Variants in SPEN observed in about 807,000 individuals in gnomAD.
The protein encoded by SPEN is msx2-interacting protein.
Under a neutral mutation model 269.9 loss-of-function variants are expected in SPEN, and 18 were observed. The ratio of observed to expected loss-of-function variants is 0.07; its 90% CI spans 0.05 to 0.10. SPEN has a LOEUF of 0.10. Ranked by LOEUF, SPEN falls within the 10% of genes least tolerant of loss-of-function variation. The pLI, the probability that SPEN is intolerant of heterozygous loss-of-function variation, is 1.00. For missense variants in SPEN, 3,822 were observed against 4,631.2 expected, an observed-to-expected ratio of 0.83 and a Z score of 5.07; for synonymous variants, 1,726 against 1,765.7, an observed-to-expected ratio of 0.98 and a Z score of 0.56.
chr1:15,899,826 T>G (rs1343561213), intron 3 of SPEN, among the ~76,000 whole-genome samples: 3 of 151,990 alleles, frequency 2.0e-5, no homozygotes, highest in Non-Finnish European at 4.4e-5. Context: ...TTTCTATGGT[T>G]GTTGTTTTAT....
Position 15,930,352 on chromosome 1 carries a change from G to A in SPEN, c.4112G>A (p.Arg1371Gln), listed in dbSNP as rs372487587. Residue 1371 changes from arginine to glutamine, a missense_variant, in exon 11 of 15, where the codon CGA (arginine) becomes CAA (glutamine). By Grantham distance (43) the Arg-to-Gln change is conservative. Around this residue, in one of 16 missense-constraint regions of SPEN, gnomAD observed 267 missense variants for 315.5 expected, o/e 0.85. Coordinates refer to ENST00000375759, the MANE Select transcript of SPEN (RefSeq NM_015001.3). This position sits in a 1 kb window ranked among gnomAD's most constrained non-coding sequence, Gnocchi z 5.3. Reference protein sequence around the residue: ...KRDSLRKRSVRDLEPGEVPSD... With the variant: ...KRDSLRKRSVQDLEPGEVPSD... ...GATAGCCTTCGAAAAAGGTCTGTAC[G>A]AGATCTGGAACCTGGTGAGGTGCCT... is the stretch of plus-strand genomic sequence containing the variant. 9.3e-6 allele frequency: 15 copies of A among 1,613,540 alleles called. No individual in the cohort carries two copies. In the African/African-American group the frequency reaches 1.7e-4, roughly 19 times the overall value.
intron 3 of SPEN, among the ~76,000 whole-genome samples, chr1:15,877,681 ATTATCCT>A (rs2070644899): frequency 6.7e-6 from 1 of 149,646 alleles, no homozygotes; most frequent in African/African-American, 2.5e-5. Flanking sequence ...TGTGGTATAG[ATTATCCT>A]TTAAGTAATC....
Position 15,928,072 on chromosome 1 carries a change from C to CT in SPEN, c.1851-16dup, listed in dbSNP as rs770510089. On this transcript the variant is annotated intron_variant, in intron 10 of 14. Coordinates refer to ENST00000375759, the MANE Select transcript of SPEN (RefSeq NM_015001.3). The surrounding 1 kb of genome is among the most constrained non-coding windows in gnomAD (Gnocchi z 5.7). The stretch of plus-strand genomic sequence containing the variant: ...GATGAGGAAACAAAAGAACTAATAT[C>CT]TTTGTTATTTTTTGGCAGAGAGGAA... 6.4e-7 allele frequency: 1 copy of CT among 1,567,680 alleles called. No individual in the cohort carries two copies. The highest frequency in any genetic ancestry group is 8.7e-7 in the Non-Finnish European group (1 of 1,153,104).
In SPEN at chr1:15,848,666, T is replaced by C. The variant is rs2070302156; in HGVS notation, c.83+516T>C. 1.3e-5 allele frequency among the ~76,000 whole-genome samples: 2 copies of C among 152,096 alleles called. No individual in the cohort carries two copies. Among genetic ancestry groups the C allele is most frequent in the Non-Finnish European group, 2.9e-5 (2 of 67,984 alleles). On this transcript the variant is annotated intron_variant, in intron 1 of 14. Transcript: ENST00000375759. This position sits in a 1 kb window ranked among gnomAD's most constrained non-coding sequence, Gnocchi z 5.1. ...GTGCGAAAACAGAAGTCGCAGTAGG[T>C]ACTGTGGTCGCGTCGCGGACCCGGA... is the stretch of plus-strand genomic sequence containing the variant.
intron 1 of SPEN, among the ~76,000 whole-genome samples, chr1:15,859,000 T>G (rs982512085): frequency 1.3e-5 from 2 of 152,336 alleles, no homozygotes; most frequent in South Asian, 4.1e-4. Flanking sequence ...CTATTATATG[T>G]GACATTGGTG....
chr1:15,873,495 G>A (rs1343692084), intron 2 of SPEN: 2 of 1,011,010 alleles, frequency 2.0e-6, no homozygotes, highest in African/African-American at 3.5e-5. Flanking sequence ...TGGCTTTTGT[G>A]TTCATACTAT....
chr1:15,909,608 T>TA, intron 4 of SPEN, 127 bp downstream of exon 4: 1 of 997,724 alleles, frequency 1.0e-6, no homozygotes, highest in African/African-American at 1.6e-5. Flanking sequence ...ATATTAACGT[T>TA]TTAAATGAGG....
At chr1:15,880,453 C>CTT (rs371820417) in intron 3 of SPEN, among the ~76,000 whole-genome samples, 6,535 of 110,892 alleles carry the variant, frequency 0.059, 367 homozygotes, top group Non-Finnish European at 0.073. Context: ...GTAATTATAG[C>CTT]TTTTTTTTTT....
At chr1:15,875,045 C>G (rs1036886406) in intron 2 of SPEN, among the ~76,000 whole-genome samples, 2 of 152,026 alleles carry the variant, frequency 1.3e-5, no homozygotes, top group African/African-American at 4.8e-5. Context: ...ATTCCTTAAT[C>G]CCTTTTGATA....
rs551582574 is a variant in SPEN, at chr1:15,910,842, G to A, written c.1043-259G>A. Among the ~76,000 whole-genome samples the A allele has an allele frequency of 9.2e-5, 14 of 151,914 alleles. No individual in the cohort carries two copies. In the South Asian group the frequency reaches 2.7e-3, roughly 29 times the overall value. ...GAAACCGTGTTTTTAGAGCTTTTTT[G>A]TTTGAAAAAGTAATGTTTTAATGAC... On this transcript the variant is annotated intron_variant, in intron 4 of 14. Coordinates refer to ENST00000375759, the MANE Select transcript of SPEN (RefSeq NM_015001.3).
At chr1:15,851,551 A>C (rs2070335150) in intron 1 of SPEN, among the ~76,000 whole-genome samples, 1 of 152,212 alleles carries the variant, frequency 6.6e-6, no homozygotes, top group African/African-American at 2.4e-5. Flanking sequence ...CAAATGAATA[A>C]AACCCTTAAA....
At chr1:15,874,285 TAAG>T in intron 2 of SPEN, 1 of 1,366,502 alleles carries the variant, frequency 7.3e-7, no homozygotes, top group Non-Finnish European at 9.8e-7. Flanking sequence ...CCTTGCCCAT[TAAG>T]AAGGTGGATT....
rs758523303 is a variant in SPEN at position 15,940,107 on chromosome 1, T to C, written c.*680T>C. 2.2e-4 allele frequency: 46 copies of C among 208,666 alleles called. No individual in the cohort carries two copies. The highest frequency in any genetic ancestry group is 1.5e-3 in the Middle Eastern group (1 of 686). 12.9% of individuals were successfully genotyped at this position (208,666 alleles called of 1,614,324 possible). ...GATGTGTGTATATATAAATATATAA[T>C]ATATATAAATATATATAATACTGAC... On this transcript the variant is annotated 3_prime_UTR_variant, in exon 15 of 15. Coordinates refer to ENST00000375759, the MANE Select transcript of SPEN (RefSeq NM_015001.3).
rs1338340502 is a variant in SPEN, at chr1:15,909,329, C to G, written c.890C>G (p.Ser297Cys). Residue 297 changes from serine (S) to cysteine (C), a missense_variant, in exon 4 of 15, where the codon TCC becomes TGC. By Grantham distance (112) the Ser-to-Cys change is moderately radical (BLOSUM62 -1). Around this residue, in one of 16 missense-constraint regions of SPEN, gnomAD observed 327 missense variants for 350.8 expected, o/e 0.93. Transcript: ENST00000375759. ...TTGTTGCCTTTTTGCAGCAGTGATT[C>G]CAGCAGTAGTTCAAGTGATGATTCT... The part of the protein sequence containing the change: ...SSSTSSDSSD[S>C]SSSSSDDSPA... 1.9e-6 allele frequency: 3 copies of G among 1,608,898 alleles called. No individual in the cohort carries two copies. The highest frequency in any genetic ancestry group is 1.7e-6 in the Non-Finnish European group (2 of 1,178,420).
chr1:15,897,365 CTT>C (rs1010814283), intron 3 of SPEN, among the ~76,000 whole-genome samples: 8 of 138,236 alleles, frequency 5.8e-5, no homozygotes, highest in Admixed American at 1.5e-4. Flanking sequence ...ATTTTTCTTT[CTT>C]TTTTTTTTTT....
chr1:15,863,710 G>A (rs2070469637), intron 1 of SPEN, among the ~76,000 whole-genome samples: 1 of 151,774 alleles, frequency 6.6e-6, no homozygotes, highest in South Asian at 2.1e-4. Context: ...GTGTGGTGGT[G>A]CCTGCCTGTA....
Position 15,848,280 on chromosome 1 carries a change from G to C in SPEN, c.83+130G>C, listed in dbSNP as rs1376902201. 2.0e-6 allele frequency: 1 copy of C among 489,794 alleles called. No individual in the cohort carries two copies. Among genetic ancestry groups the C allele is most frequent in the African/African-American group, 2.1e-5 (1 of 48,730 alleles). 30.3% of individuals were successfully genotyped at this position (489,794 alleles called of 1,614,324 possible). Reference sequence around the variant, plus strand: ...CGGCCCGGACCCACGGGCGCTGTGGGACCTCGTCAGCCGCTCGGCCCGCGT... The same window carrying C: ...CGGCCCGGACCCACGGGCGCTGTGGCACCTCGTCAGCCGCTCGGCCCGCGT... On this transcript the variant is annotated intron_variant, in intron 1 of 14. Coordinates refer to ENST00000375759, the MANE Select transcript of SPEN (RefSeq NM_015001.3). The surrounding 1 kb of genome is among the most constrained non-coding windows in gnomAD (Gnocchi z 5.1).
chr1:15,866,648 C>T (rs1054892886), intron 1 of SPEN, among the ~76,000 whole-genome samples: 8 of 152,138 alleles, frequency 5.3e-5, no homozygotes, highest in East Asian at 3.9e-4. Flanking sequence ...CCACCGCGCC[C>T]GGCTGGAATA....
intron 6 of SPEN, chr1:15,917,693 G>A (rs2071078721): frequency 6.5e-6 from 1 of 153,218 alleles, no homozygotes; most frequent in Admixed American, 6.6e-5. Context: ...CCCAGGCTGG[G>A]AGATAACATT....
Sources: gnomAD v4.1 joint callset for allele counts (sites outside exome capture counted in the v4.1 genomes callset) on GRCh38, gnomAD v4.1.1 for gene constraint, gnomAD v4.1.1 regional missense constraint, Gnocchi (gnomAD v3.1) non-coding constraint, MANE v1.5 for transcripts, NCBI Gene and HGNC (gene_info 2026-07-23, HGNC 2026-07-21) for gene names.